RASGRF2: variants seen among roughly 807,000 people sequenced by gnomAD.
RASGRF2 encodes Ras protein specific guanine nucleotide releasing factor 2.
RASGRF2 carries 76 observed loss-of-function variants against 151.0 expected under a neutral mutation model. The observed-to-expected ratio is 0.50, with a 90% confidence interval of 0.42 to 0.61. The LOEUF (loss-of-function observed/expected upper bound fraction) is 0.61. RASGRF2 is among the 20% of genes least tolerant of loss of function. RASGRF2 has a pLI of 0.00. For missense variants in RASGRF2, 1,148 were observed against 1,564.6 expected (o/e 0.73, Z 4.49); for synonymous variants, 504 against 566.5 (o/e 0.89, Z 1.57).
chr5:81,213,449 C>T (rs1239222357), intron 23 of RASGRF2, among the ~76,000 whole-genome samples: 1 of 152,178 alleles, frequency 6.6e-6, no homozygotes, highest in East Asian at 1.9e-4. Context: ...CTGCCTAACC[C>T]TCCCCTGCCT....
chr5:81,026,062 C>CCCTCCCT (rs1750016430), intron 1 of RASGRF2, among the ~76,000 whole-genome samples: 2 of 123,886 alleles, frequency 1.6e-5, no homozygotes, highest in Non-Finnish European at 3.2e-5. Flanking sequence ...TTCCCTTCTT[C>CCCTCCCT]TCCTTCCTCT....
chr5:81,047,691 C>T (rs973115728), intron 2 of RASGRF2, among the ~76,000 whole-genome samples: 33 of 152,256 alleles, frequency 2.2e-4, no homozygotes, highest in Admixed American at 2.1e-3. Context: ...CCCTTTGTTT[C>T]ACCCTGTCAG....
chr5:81,092,756 A>C, intron 9 of RASGRF2, 45 bp from the exon 10 acceptor site: 1 of 1,561,014 alleles, frequency 6.4e-7, no homozygotes, highest in African/African-American at 1.4e-5. Context: ...TCCTCACTTG[A>C]CAGAATTTTA....
At chr5:81,172,084 T>C (rs1265285644) in intron 17 of RASGRF2, among the ~76,000 whole-genome samples, 2 of 152,178 alleles carry the variant, frequency 1.3e-5, no homozygotes, top group Non-Finnish European at 2.9e-5. Context: ...AAATCCTGGG[T>C]TTTTTTTACC....
At chr5:81,200,481 G>A (rs1046593819) in intron 18 of RASGRF2, among the ~76,000 whole-genome samples, 2 of 151,972 alleles carry the variant, frequency 1.3e-5, no homozygotes, top group African/African-American at 4.8e-5. Context: ...ATGTTCATTC[G>A]ATGTGGCCCC....
At chr5:81,112,500 G>A in intron 13 of RASGRF2, 110 bp from the exon 14 acceptor site, 1 of 1,390,828 alleles carries the variant, frequency 7.2e-7, no homozygotes, top group Non-Finnish European at 9.9e-7. Flanking sequence ...CCTATCAAAT[G>A]CAGTGAGAAG....
At chr5:80,962,741 T>C (rs1246564977) in intron 1 of RASGRF2, among the ~76,000 whole-genome samples, 1 of 152,208 alleles carries the variant, frequency 6.6e-6, no homozygotes, top group Non-Finnish European at 1.5e-5. Context: ...TCTTCAAGAC[T>C]GTTTTCTTTC....
rs553973437 is a variant in RASGRF2, at chr5:81,194,180, A to T, written c.2794-7150A>T. Among the ~76,000 whole-genome samples, 3 of 40,586 alleles carry T rather than the reference A, an allele frequency of 7.4e-5. No homozygotes were observed. The East Asian group carries it at 2.1e-3, about 28-fold the overall frequency. The allele number at this position is 40,586 out of a possible 152,430, so 26.6% of individuals were successfully genotyped here. On this transcript the variant is annotated intron_variant, in intron 18 of 26. Transcript: ENST00000265080. ...GCAGCATAGAGAGAGCCCCATCTCT[A>T]AAAAAAAAAAAAAAAAATCTTAAAA...
chr5:81,009,842 C>T (rs1477202244), intron 1 of RASGRF2, among the ~76,000 whole-genome samples: 1 of 152,078 alleles, frequency 6.6e-6, no homozygotes, highest in Non-Finnish European at 1.5e-5. Context: ...ATGAGCATGA[C>T]TGTATTAAAA....
chr5:81,208,026 C>A (rs1315890090), intron 21 of RASGRF2, among the ~76,000 whole-genome samples: 2 of 152,212 alleles, frequency 1.3e-5, no homozygotes, highest in African/African-American at 4.8e-5. Flanking sequence ...GTCTTGATTT[C>A]TAAGGTAGTA....
chr5:81,099,779 A>G (rs368279987), intron 12 of RASGRF2, among the ~76,000 whole-genome samples: 50 of 152,194 alleles, frequency 3.3e-4, no homozygotes, highest in African/African-American at 1.2e-3. Flanking sequence ...TTGTCTTTTT[A>G]TACTAGGTAG....
intron 1 of RASGRF2, among the ~76,000 whole-genome samples, chr5:81,032,381 G>A (rs766183687): frequency 2.0e-5 from 3 of 152,096 alleles, no homozygotes; most frequent in South Asian, 2.1e-4. Context: ...GATGAACATC[G>A]ATGTAAAAAT....
intron 17 of RASGRF2, among the ~76,000 whole-genome samples, chr5:81,145,955 G>A (rs959253657): frequency 1.3e-5 from 2 of 152,130 alleles, no homozygotes; most frequent in African/African-American, 4.8e-5. Flanking sequence ...TCATAATCAC[G>A]TTAAACGTAA....
In RASGRF2 at chr5:81,226,257, A is replaced by G. The variant is rs1179831834; in HGVS notation, c.*487A>G. ...AAAAGCTGACACTTCCTCTACAGAGATGGACCAAAACATAAGCAATTTCAG... is the reference window on the plus strand; with the variant it reads ...AAAAGCTGACACTTCCTCTACAGAGGTGGACCAAAACATAAGCAATTTCAG... On this transcript the variant is annotated 3_prime_UTR_variant, in exon 27 of 27. Transcript: ENST00000265080. 2 of 152,714 alleles carry G rather than the reference A, an allele frequency of 1.3e-5. No homozygotes were observed. Among genetic ancestry groups the G allele is most frequent in the African/African-American group, 4.8e-5 (2 of 41,384 alleles). 9.5% of individuals were successfully genotyped at this position (152,714 alleles called of 1,614,324 possible).
chr5:81,030,207 C>T (rs979070174), intron 1 of RASGRF2, among the ~76,000 whole-genome samples: 1 of 152,136 alleles, frequency 6.6e-6, no homozygotes, highest in Non-Finnish European at 1.5e-5. Flanking sequence ...GAGAATGGAA[C>T]CAAGTTGGAA....
chr5:81,177,054 C>T (rs1037331568), intron 17 of RASGRF2, among the ~76,000 whole-genome samples: 1 of 152,080 alleles, frequency 6.6e-6, no homozygotes, highest in African/African-American at 2.4e-5. Flanking sequence ...TCTCCTGAAC[C>T]ATGTGGATGT....
intron 7 of RASGRF2, 131 bp from the exon 8 acceptor site, chr5:81,085,671 T>A: frequency 7.2e-7 from 1 of 1,381,842 alleles, no homozygotes; most frequent in South Asian, 1.6e-5. Flanking sequence ...ATTTCTTTTT[T>A]AAAAAATGTG....
rs114370172 is a variant in RASGRF2, at chr5:81,110,906, G to A, written c.1839-1704G>A. Among the ~76,000 whole-genome samples, 397 of 152,294 alleles carry A rather than the reference G, an allele frequency of 2.6e-3. 2 individuals carry two copies. Among genetic ancestry groups the A allele is most frequent in the African/African-American group, 9.4e-3 (392 of 41,564 alleles). On this transcript the variant is annotated intron_variant, in intron 13 of 26. Coordinates refer to ENST00000265080, the MANE Select transcript of RASGRF2 (RefSeq NM_006909.3). ...GATGCACTTGGGCATTTCAAGATCA[G>A]TAATGTAACTCAAGCTAACGGGCCA...
chr5:81,058,237 A>T (rs1199761101), intron 2 of RASGRF2, among the ~76,000 whole-genome samples: 1 of 128,540 alleles, frequency 7.8e-6, no homozygotes, highest in Non-Finnish European at 1.8e-5. Flanking sequence ...TGAACTAAAA[A>T]GCGAAAATAC....
Sources: gnomAD v4.1 joint callset for allele counts (sites outside exome capture counted in the v4.1 genomes callset) on GRCh38, gnomAD v4.1.1 for gene constraint, MANE v1.5 for transcripts, NCBI Gene and HGNC (gene_info 2026-07-23, HGNC 2026-07-21) for gene names.